The following SYN3 variants were observed in gnomAD, a reference collection of about 807,000 sequenced individuals.
SYN3 encodes synapsin III.
A neutral mutation model predicts 65.8 loss-of-function variants in SYN3; 35 were observed. The observed-to-expected ratio is 0.53, with a 90% CI of 0.41 to 0.70. SYN3 has a LOEUF of 0.70. SYN3 is among the 30% of genes least tolerant of loss of function. The probability of loss-of-function intolerance (pLI) is 0.00; values close to 1 mark genes in which losing one functional copy is unlikely to be tolerated. For missense variants in SYN3, 680 were observed against 749.0 expected (o/e 0.91, Z 1.08); for synonymous variants, 270 against 292.9 (o/e 0.92, Z 0.80).
At chr22:32,659,302 A>C (rs898079219) in intron 6 of SYN3, among the ~76,000 whole-genome samples, 33 of 152,236 alleles carry the variant, frequency 2.2e-4, no homozygotes, top group African/African-American at 7.7e-4. Flanking sequence ...AAGAGGGAAA[A>C]TTGAGAGAGA....
intron 4 of SYN3, among the ~76,000 whole-genome samples, chr22:32,911,395 C>T (rs1003684200): frequency 6.6e-6 from 1 of 152,208 alleles, no homozygotes; most frequent in African/African-American, 2.4e-5. Context: ...CACCGTATGC[C>T]TTTGCGTGGT....
intron 1 of SYN3, among the ~76,000 whole-genome samples, chr22:33,052,826 C>T (rs1404392408): frequency 6.6e-6 from 1 of 152,214 alleles, no homozygotes; most frequent in African/African-American, 2.4e-5. Context: ...AGGATTTGGT[C>T]TAAACCAATG....
intron 6 of SYN3, among the ~76,000 whole-genome samples, chr22:32,660,786 A>G (rs2060206388): frequency 1.3e-5 from 2 of 152,210 alleles, no homozygotes; most frequent in Non-Finnish European, 2.9e-5. Flanking sequence ...GCCCAGAGCA[A>G]GGATTAAGGG....
chr22:32,995,483 C>A (rs1248525408), intron 2 of SYN3, among the ~76,000 whole-genome samples: 2 of 152,238 alleles, frequency 1.3e-5, no homozygotes, highest in East Asian at 3.9e-4. Context: ...TCTGACAACC[C>A]TACCCCAAGC....
chr22:32,616,705 C>T (rs571065693), intron 6 of SYN3, among the ~76,000 whole-genome samples: 7 of 152,270 alleles, frequency 4.6e-5, no homozygotes, highest in Admixed American at 3.9e-4. Flanking sequence ...GGCAGCAGAT[C>T]TGTAAGCAAA....
chr22:32,998,776 T>TAACAAAAAAATAAA (rs2052962912), intron 2 of SYN3, among the ~76,000 whole-genome samples: 1 of 82,008 alleles, frequency 1.2e-5, no homozygotes, highest in East Asian at 3.8e-4. Flanking sequence ...ATAGAAATAG[T>TAACAAAAAAATAAA]AAAAAAAAAA....
At chr22:32,867,600 T>C (rs1381179799) in intron 5 of SYN3, among the ~76,000 whole-genome samples, 1 of 152,146 alleles carries the variant, frequency 6.6e-6, no homozygotes, top group Non-Finnish European at 1.5e-5. Flanking sequence ...TATTTTTTCT[T>C]TGAGATGGAG....
intron 4 of SYN3, among the ~76,000 whole-genome samples, chr22:32,922,796 T>G (rs928261233): frequency 6.6e-6 from 1 of 152,136 alleles, no homozygotes; most frequent in Non-Finnish European, 1.5e-5. Flanking sequence ...GCTAGTCATG[T>G]GCCATCAGCT....
chr22:32,967,888 T>C (rs1160482015), intron 3 of SYN3, among the ~76,000 whole-genome samples: 2 of 152,150 alleles, frequency 1.3e-5, no homozygotes, highest in African/African-American at 2.4e-5. Context: ...GCAGAAAATG[T>C]AGAGTAGCCA....
chr22:32,838,764 C>T (rs2047809505), intron 6 of SYN3, among the ~76,000 whole-genome samples: 1 of 151,948 alleles, frequency 6.6e-6, no homozygotes, highest in African/African-American at 2.4e-5. Context: ...TCCCCGTCTT[C>T]GTTATTGTAT....
intron 6 of SYN3, among the ~76,000 whole-genome samples, chr22:32,739,337 T>A (rs922156709): frequency 6.6e-6 from 1 of 151,056 alleles, no homozygotes; most frequent in Non-Finnish European, 1.5e-5. Flanking sequence ...TTGTGAGGCC[T>A]CCCCAGCCAC....
chr22:32,814,317 C>CAGAT (rs1409921861), intron 6 of SYN3, among the ~76,000 whole-genome samples: 1 of 43,694 alleles, frequency 2.3e-5, no homozygotes, highest in Non-Finnish European at 4.5e-5. Context: ...GAGAGAGAGA[C>CAGAT]AGAAAGAAAG....
chr22:32,866,633 T>C (rs1292781943), intron 5 of SYN3, among the ~76,000 whole-genome samples: 1 of 152,146 alleles, frequency 6.6e-6, no homozygotes, highest in Non-Finnish European at 1.5e-5. Context: ...CGGCTAGTGC[T>C]GATGAGTTGT....
At chr22:32,698,918 G>C (rs2060774471) in intron 6 of SYN3, among the ~76,000 whole-genome samples, 1 of 152,146 alleles carries the variant, frequency 6.6e-6, no homozygotes, top group Admixed American at 6.5e-5. Context: ...TCCAGGATGG[G>C]GGGGTGACAC....
At chr22:33,033,134 C>T (rs1312066907) in intron 1 of SYN3, among the ~76,000 whole-genome samples, 1 of 152,042 alleles carries the variant, frequency 6.6e-6, no homozygotes, top group Non-Finnish European at 1.5e-5. Flanking sequence ...GCACCCACCA[C>T]CACGCCCAGC....
chr22:33,024,839 G>C (rs897098258), intron 1 of SYN3, among the ~76,000 whole-genome samples: 2 of 152,166 alleles, frequency 1.3e-5, no homozygotes, highest in Admixed American at 6.5e-5. Context: ...TAGTTCGTTG[G>C]GGGAGATGCC....
chr22:32,990,369 C>T (rs1348827060), intron 2 of SYN3, among the ~76,000 whole-genome samples: 1 of 150,718 alleles, frequency 6.6e-6, no homozygotes, highest in Admixed American at 6.6e-5. Flanking sequence ...CATATTCATC[C>T]ATCCATGCAT....
chr22:32,662,826 G>A (rs1298222091), intron 6 of SYN3, among the ~76,000 whole-genome samples: 1 of 152,140 alleles, frequency 6.6e-6, no homozygotes, highest in Non-Finnish European at 1.5e-5. Context: ...AGCACTGTGC[G>A]TGGTATAGAA....
chr22:32,525,532 C>A (rs1049936911), intron 12 of SYN3, among the ~76,000 whole-genome samples: 6 of 151,954 alleles, frequency 3.9e-5, no homozygotes, highest in African/African-American at 1.5e-4. Flanking sequence ...ACGGTGAAAC[C>A]CCGTCTCTAC....
Sources: gnomAD v4.1 joint callset for allele counts (sites outside exome capture counted in the v4.1 genomes callset) on GRCh38, gnomAD v4.1.1 for gene constraint, MANE v1.5 for transcripts, NCBI Gene and HGNC (gene_info 2026-07-23, HGNC 2026-07-21) for gene names.